LDB2: variants seen among roughly 807,000 people sequenced by gnomAD.
LDB2 encodes LIM domain binding 2, also known as LIM domain-binding protein 2.
In LDB2, 12 loss-of-function variants were observed where a neutral mutation model predicts 44.3. That is an observed-to-expected ratio of 0.27 (90% CI 0.17 to 0.44). The LOEUF is 0.44. LDB2 is among the 20% of genes least tolerant of loss of function. LDB2 has a pLI of 1.00. For synonymous variants in LDB2, 164 were observed against 174.8 expected, an observed-to-expected ratio of 0.94 and a Z score of 0.49; for missense variants, 344 against 473.5, an observed-to-expected ratio of 0.73 and a Z score of 2.54.
At position 16,756,044 on chromosome 4, in the gene LDB2, T is replaced by A. The variant is rs557256120; in HGVS notation, c.235+3114A>T. On this transcript the variant is annotated intron_variant, in intron 2 of 7. Transcript: ENST00000304523. The stretch of plus-strand genomic sequence containing the variant: ...AGATGGAGCACGTGGAGGAAGAGGG[T>A]CAATACTGAGGAGCTTTCTGCTTTC... Among the ~76,000 whole-genome samples, 3 of 152,224 alleles carry A rather than the reference T, an allele frequency of 2.0e-5. No individual in the cohort carries two copies. In the East Asian group the frequency reaches 5.8e-4, roughly 29 times the overall value.
chr4:16,566,545 G>C (rs962950465), intron 5 of LDB2, among the ~76,000 whole-genome samples: 4 of 151,830 alleles, frequency 2.6e-5, no homozygotes, highest in African/African-American at 9.7e-5. Flanking sequence ...TAAACATAAA[G>C]AAAAAAATCA....
rs560610858 is a variant in LDB2 at position 16,662,757 on chromosome 4, C to T, written c.236-66882G>A. On this transcript the variant is annotated intron_variant, in intron 2 of 7. Transcript: ENST00000304523. ...TTGCCTGTTGCCATGTAAGACGCGTCTTTGTTCCTCGTTTGACTTCCACCA... is the reference window on the plus strand; with the variant it reads ...TTGCCTGTTGCCATGTAAGACGCGTTTTTGTTCCTCGTTTGACTTCCACCA... Among the ~76,000 whole-genome samples the T allele has an allele frequency of 1.2e-4, 18 of 152,056 alleles. 1 individual carries two copies. Among genetic ancestry groups the T allele is most frequent in the Admixed American group, 3.9e-4 (6 of 15,266 alleles).
At chr4:16,610,772 A>C (rs954895988) in intron 2 of LDB2, among the ~76,000 whole-genome samples, 1 of 152,184 alleles carries the variant, frequency 6.6e-6, no homozygotes, top group Non-Finnish European at 1.5e-5. Context: ...GAGAATGGAA[A>C]CAAGCTGGAA....
chr4:16,710,024 T>C (rs1755521727), intron 2 of LDB2, among the ~76,000 whole-genome samples: 2 of 152,220 alleles, frequency 1.3e-5, no homozygotes, highest in African/African-American at 4.8e-5. Context: ...TAATAATTTA[T>C]AGCTTAAATC....
chr4:16,697,443 C>T (rs1427048064), intron 2 of LDB2, among the ~76,000 whole-genome samples: 1 of 151,268 alleles, frequency 6.6e-6, no homozygotes, highest in Non-Finnish European at 1.5e-5. Context: ...GCCTGGGCGA[C>T]AGAGCAAGAC....
rs950368526 is a variant in LDB2 at position 16,501,597 on chromosome 4, T to C, written c.*1046A>G. 6.6e-6 allele frequency: 1 copy of C among 152,642 alleles called. No individual in the cohort carries two copies. The highest frequency in any genetic ancestry group is 1.5e-5 in the Non-Finnish European group (1 of 68,038). The allele number at this position is 152,642 out of a possible 1,614,324, so 9.5% of individuals were successfully genotyped here. A position where few individuals can be genotyped will look rare whatever the true frequency, so the allele number is the denominator to read the frequency against. Reference sequence around the variant, plus strand: ...ACTTATCAGTAAAGCATACATAAAATACAGCTGTTTTTTAACACACGGAGC... The same window carrying C: ...ACTTATCAGTAAAGCATACATAAAACACAGCTGTTTTTTAACACACGGAGC... On this transcript the variant is annotated 3_prime_UTR_variant, in exon 8 of 8. Coordinates refer to ENST00000304523, the MANE Select transcript of LDB2 (RefSeq NM_001290.5).
chr4:16,810,561 T>TA (rs1779644932), intron 1 of LDB2, among the ~76,000 whole-genome samples: 1 of 151,006 alleles, frequency 6.6e-6, no homozygotes, highest in Admixed American at 6.6e-5. Flanking sequence ...ATCAAATCAG[T>TA]AAAAGGTTTT....
intron 5 of LDB2, among the ~76,000 whole-genome samples, chr4:16,560,470 A>C (rs2152377275): frequency 6.6e-6 from 1 of 152,348 alleles, no homozygotes; most frequent in South Asian, 2.1e-4. Flanking sequence ...AATCTAGAAG[A>C]AATGGATAAA....
intron 6 of LDB2, among the ~76,000 whole-genome samples, chr4:16,509,864 C>A (rs1310469009): frequency 1.3e-5 from 2 of 152,080 alleles, no homozygotes; most frequent in African/African-American, 4.8e-5. Context: ...GGCAATAATC[C>A]TAGCATTTTG....
chr4:16,868,097 T>C (rs1393381388), intron 1 of LDB2, among the ~76,000 whole-genome samples: 1 of 152,230 alleles, frequency 6.6e-6, no homozygotes, highest in African/African-American at 2.4e-5. Context: ...TCGTTTATCT[T>C]AGTGATTTAA....
chr4:16,595,794 T>G lies in LDB2; in HGVS notation c.317A>C (p.His106Pro). 3 of 1,613,476 alleles carry G rather than the reference T, an allele frequency of 1.9e-6. No homozygotes were observed. Among genetic ancestry groups the G allele is most frequent in the Non-Finnish European group, 2.5e-6 (3 of 1,179,778 alleles). The change falls in exon 3 of 8, where the codon CAC (histidine) becomes CCC (proline). Residue 106 changes from histidine to proline, a missense_variant. By Grantham distance (77) the His-to-Pro change is moderately conservative. Around this residue, in one of 3 missense-constraint regions of LDB2, gnomAD observed 226 missense variants for 270.1 expected, o/e 0.84. Transcript: ENST00000304523. ...TGAGTTGTGGTATGACTCTTTCGAG[T>G]GTTTGAGAATGTAATACAGGTCGGT... ...GVTDLYYILK[H>P]SKESYHNSSI... is the part of the protein sequence containing the mutation.
chr4:16,516,264 T>A (rs574781613), intron 5 of LDB2, among the ~76,000 whole-genome samples: 8 of 152,354 alleles, frequency 5.3e-5, no homozygotes, highest in African/African-American at 1.9e-4. Flanking sequence ...CCATCTTATA[T>A]ACTGTTGTGA....
intron 1 of LDB2, among the ~76,000 whole-genome samples, chr4:16,776,220 G>C (rs919460221): frequency 1.1e-4 from 17 of 152,124 alleles, no homozygotes; most frequent in African/African-American, 3.9e-4. Context: ...GGTGTGCTTG[G>C]ACCTTGGTTT....
At chr4:16,581,468 T>A in intron 5 of LDB2, 1 of 984,778 alleles carries the variant, frequency 1.0e-6, no homozygotes, top group Non-Finnish European at 1.2e-6. Flanking sequence ...AGCCAGGGTG[T>A]ATTGTTTTGG....
intron 2 of LDB2, 45 bp downstream of exon 2, chr4:16,759,113 A>C (rs1221494679): frequency 1.5e-6 from 2 of 1,352,414 alleles, no homozygotes; most frequent in East Asian, 4.6e-5. Context: ...GTTTTCTTAC[A>C]GGCACAAAAC....
chr4:16,730,623 A>G (rs1453938778), intron 2 of LDB2, among the ~76,000 whole-genome samples: 1 of 152,140 alleles, frequency 6.6e-6, no homozygotes, highest in East Asian at 1.9e-4. Context: ...TATTTTATCC[A>G]TGAGAAATGG....
chr4:16,869,343 G>C (rs947487657), intron 1 of LDB2, among the ~76,000 whole-genome samples: 2 of 152,002 alleles, frequency 1.3e-5, no homozygotes, highest in African/African-American at 2.4e-5. Flanking sequence ...GAAGTTTTGG[G>C]AAAGGTGCTA....
chr4:16,841,040 G>A (rs1340516167), intron 1 of LDB2, among the ~76,000 whole-genome samples: 2 of 151,810 alleles, frequency 1.3e-5, no homozygotes, highest in African/African-American at 2.4e-5. Context: ...CGCATCTCAT[G>A]CAAACTCATA....
intron 2 of LDB2, among the ~76,000 whole-genome samples, chr4:16,696,548 T>C (rs993558076): frequency 6.6e-6 from 1 of 152,308 alleles, no homozygotes; most frequent in Admixed American, 6.5e-5. Flanking sequence ...CTATGATTTC[T>C]GTGAGGAGTG....
Sources: gnomAD v4.1 joint callset for allele counts (sites outside exome capture counted in the v4.1 genomes callset) on GRCh38, gnomAD v4.1.1 for gene constraint, gnomAD v4.1.1 regional missense constraint, MANE v1.5 for transcripts, NCBI Gene and HGNC (gene_info 2026-07-23, HGNC 2026-07-21) for gene names.